B3GALT1: variants seen among roughly 807,000 people sequenced by gnomAD.
The protein encoded by B3GALT1 is beta-1,3-galactosyltransferase 1.
In B3GALT1, 10 loss-of-function variants were observed where a neutral mutation model predicts 23.2. The observed-to-expected ratio is 0.43, with a 90% CI of 0.27 to 0.73. The LOEUF is 0.73. Among genes scored for constraint, B3GALT1 ranks in the 30% least tolerant of loss-of-function variants. The pLI is 0.21. For missense variants in B3GALT1, 299 were observed against 405.4 expected (o/e 0.74, Z 2.25); for synonymous variants, 156 against 141.5 (o/e 1.10, Z -0.73).
intron 1 of B3GALT1, among the ~76,000 whole-genome samples, chr2:167,331,448 C>G (rs1276372233): frequency 6.6e-6 from 1 of 152,092 alleles, no homozygotes; most frequent in African/African-American, 2.4e-5. Context: ...GGACAACCCT[C>G]TGAGACCCAT....
At chr2:167,586,549 T>C (rs1420069727) in intron 2 of B3GALT1, among the ~76,000 whole-genome samples, 1 of 152,180 alleles carries the variant, frequency 6.6e-6, no homozygotes, top group African/African-American at 2.4e-5. Context: ...TCCGCCTGCC[T>C]TGCCCTCCCA....
chr2:167,394,575 T>C (rs1698066729), intron 1 of B3GALT1, among the ~76,000 whole-genome samples: 1 of 152,184 alleles, frequency 6.6e-6, no homozygotes, highest in Admixed American at 6.5e-5. Context: ...GCCATCTTTT[T>C]ACTAGGAGCA....
chr2:167,834,897 T>C (rs1689426386), intron 4 of B3GALT1, among the ~76,000 whole-genome samples: 1 of 152,098 alleles, frequency 6.6e-6, no homozygotes, highest in South Asian at 2.1e-4. Context: ...TATGTTGAGA[T>C]CTGTGCCCAA....
chr2:167,600,703 C>A (rs1684859472), intron 2 of B3GALT1, among the ~76,000 whole-genome samples: 1 of 152,184 alleles, frequency 6.6e-6, no homozygotes, highest in Non-Finnish European at 1.5e-5. Context: ...CAGGTTGTGA[C>A]ATGTGTCAGG....
chr2:167,717,880 A>G (rs777667145), intron 3 of B3GALT1, among the ~76,000 whole-genome samples: 1 of 152,234 alleles, frequency 6.6e-6, no homozygotes, highest in Non-Finnish European at 1.5e-5. Context: ...GTCTGTCTCT[A>G]TGCAATTTAA....
At chr2:167,616,460 T>G (rs1422657756) in intron 2 of B3GALT1, among the ~76,000 whole-genome samples, 1 of 152,018 alleles carries the variant, frequency 6.6e-6, no homozygotes. Flanking sequence ...CCCAGCACTT[T>G]GGGAGGCCAA....
At chr2:167,538,730 G>A (rs1167084012) in intron 2 of B3GALT1, among the ~76,000 whole-genome samples, 1 of 152,068 alleles carries the variant, frequency 6.6e-6, no homozygotes, top group Admixed American at 6.6e-5. Flanking sequence ...AACTCAAATC[G>A]TTTAGAACAT....
chr2:167,362,180 A>G (rs1469576420), intron 1 of B3GALT1, among the ~76,000 whole-genome samples: 1 of 152,056 alleles, frequency 6.6e-6, no homozygotes, highest in Non-Finnish European at 1.5e-5. Context: ...GCTATATAAT[A>G]TTTTGTAAAT....
intron 1 of B3GALT1, among the ~76,000 whole-genome samples, chr2:167,335,426 A>G (rs1205704860): frequency 6.6e-6 from 1 of 152,160 alleles, no homozygotes; most frequent in Non-Finnish European, 1.5e-5. Context: ...AAGTTTATTA[A>G]GGAAGTAAAA....
intron 1 of B3GALT1, among the ~76,000 whole-genome samples, chr2:167,354,432 C>T (rs924162262): frequency 9.9e-5 from 15 of 151,556 alleles, no homozygotes; most frequent in South Asian, 2.1e-4. Flanking sequence ...CTGCAACCTC[C>T]GCCTCCTGGG....
At chr2:167,355,617 A>G (rs900100524) in intron 1 of B3GALT1, among the ~76,000 whole-genome samples, 34 of 152,122 alleles carry the variant, frequency 2.2e-4, no homozygotes, top group African/African-American at 5.3e-4. Flanking sequence ...GCCTTTCACC[A>G]TCTATTGTCC....
At chr2:167,804,178 C>T (rs949778379) in intron 3 of B3GALT1, among the ~76,000 whole-genome samples, 12 of 151,942 alleles carry the variant, frequency 7.9e-5, no homozygotes, top group Non-Finnish European at 1.8e-4. Context: ...TTAGTAGAGA[C>T]GAGATTTCAC....
chr2:167,520,655 T>G (rs1273412041), intron 2 of B3GALT1, among the ~76,000 whole-genome samples: 4 of 152,246 alleles, frequency 2.6e-5, no homozygotes, highest in African/African-American at 9.6e-5. Flanking sequence ...CTGGATGACT[T>G]CTACCTCTTG....
At chr2:167,780,652 G>A (rs976871648) in intron 3 of B3GALT1, among the ~76,000 whole-genome samples, 2 of 152,136 alleles carry the variant, frequency 1.3e-5, no homozygotes, top group African/African-American at 2.4e-5. Flanking sequence ...TTGTCCTCTG[G>A]AGTTGTTTCC....
At chr2:167,740,345 G>T (rs958355350) in intron 3 of B3GALT1, among the ~76,000 whole-genome samples, 5 of 151,888 alleles carry the variant, frequency 3.3e-5, no homozygotes. Context: ...AGAGTTCTTT[G>T]GCCTATTTCT....
At chr2:167,411,378 C>CAAAAA (rs60719828) in intron 1 of B3GALT1, among the ~76,000 whole-genome samples, 1 of 136,552 alleles carries the variant, frequency 7.3e-6, no homozygotes, top group African/African-American at 2.8e-5. Flanking sequence ...AACAAAAAAC[C>CAAAAA]AAAAAAAAAA....
intron 4 of B3GALT1, among the ~76,000 whole-genome samples, chr2:167,866,148 T>C (rs908436234): frequency 6.6e-6 from 1 of 152,204 alleles, no homozygotes; most frequent in Admixed American, 6.5e-5. Flanking sequence ...TCCCCTTTAG[T>C]GAACTTGCCA....
intron 3 of B3GALT1, among the ~76,000 whole-genome samples, chr2:167,699,933 G>C (rs746661845): frequency 9.9e-5 from 15 of 152,112 alleles, no homozygotes; most frequent in Non-Finnish European, 1.9e-4. Context: ...GGCTGGTCTT[G>C]AACTCCTGAC....
intron 1 of B3GALT1, among the ~76,000 whole-genome samples, chr2:167,393,094 C>T (rs1490113562): frequency 3.3e-5 from 5 of 151,986 alleles, no homozygotes; most frequent in African/African-American, 9.7e-5. Flanking sequence ...ATTAGCCAGA[C>T]GTGGTGGTGG....
Sources: allele counts gnomAD v4.1 joint callset (sites outside exome capture counted in the v4.1 genomes callset), GRCh38; gene constraint gnomAD v4.1.1; transcripts MANE v1.5; gene names NCBI Gene and HGNC (gene_info 2026-07-23, HGNC 2026-07-21).